The following CHUK variants were observed in gnomAD, a reference collection of about 807,000 sequenced individuals.
The protein encoded by CHUK is inhibitor of nuclear factor kappa-B kinase subunit alpha.
Under a neutral mutation model 104.8 loss-of-function variants are expected in CHUK, and 35 were observed. The observed-to-expected ratio is 0.33, with a 90% CI of 0.26 to 0.44. CHUK has a LOEUF of 0.44. CHUK is among the 20% of genes least tolerant of loss of function. CHUK has a pLI of 1.00. For missense variants in CHUK, 663 were observed against 902.7 expected (o/e 0.73, Z 3.40); for synonymous variants, 276 against 291.9 (o/e 0.95, Z 0.56).
chr10:100,222,721 C>A, intron 3 of CHUK, 145 bp downstream of exon 3: 1 of 649,914 alleles, frequency 1.5e-6, no homozygotes, highest in Non-Finnish European at 2.8e-6. Context: ...ATGAATGTGG[C>A]TGTGTTCCAA....
intron 16 of CHUK, 66 bp downstream of exon 16, chr10:100,199,905 C>G (rs1435926749): frequency 8.9e-7 from 1 of 1,128,060 alleles, no homozygotes; most frequent in Non-Finnish European, 1.4e-6. Flanking sequence ...ATTAGATCCC[C>G]CACATTTGTT....
chr10:100,221,159 G>A (rs1220809311), intron 4 of CHUK, among the ~76,000 whole-genome samples: 3 of 152,124 alleles, frequency 2.0e-5, no homozygotes, highest in Non-Finnish European at 4.4e-5. Flanking sequence ...TGACTTGGCT[G>A]GGTGCGGTGG....
In CHUK at chr10:100,190,864, C is replaced by G. The variant is rs1326889314; in HGVS notation, c.2208+5G>C. On this transcript the variant is annotated splice_donor_5th_base_variant and intron_variant, in intron 20 of 20. Transcript: ENST00000370397. Reference sequence around the variant, plus strand: ...AGCAGGCACCCATATCCACACAAAACTTACCATCATACTATTGCCCTGTTC... The same window carrying G: ...AGCAGGCACCCATATCCACACAAAAGTTACCATCATACTATTGCCCTGTTC... The G allele has an allele frequency of 6.4e-7, 1 of 1,564,060 alleles. No homozygotes were observed.
chr10:100,190,628 C>T lies in CHUK; in HGVS notation c.2208+241G>A, dbSNP rs17884210. The T allele has an allele frequency of 4.6e-3, 2,387 of 523,402 alleles. 4 individuals carry two copies. Among genetic ancestry groups the T allele is most frequent in the Non-Finnish European group, 6.5e-3 (1,867 of 289,218 alleles). The allele number at this position is 523,402 out of a possible 1,614,324, so 32.4% of individuals were successfully genotyped here. A position where few individuals can be genotyped will look rare whatever the true frequency, so the allele number is the denominator to read the frequency against. On this transcript the variant is annotated intron_variant, in intron 20 of 20. Transcript: ENST00000370397. Reference sequence around the variant, plus strand: ...AATGGTCACATTGTGAAGAAGCTTACCACTCATTTAATTTGACCAAAAATG... The same window carrying T: ...AATGGTCACATTGTGAAGAAGCTTATCACTCATTTAATTTGACCAAAAATG...
intron 15 of CHUK, 97 bp from the exon 16 acceptor site, chr10:100,200,117 T>C (rs529763852): frequency 1.1e-6 from 1 of 927,542 alleles, no homozygotes; most frequent in African/African-American, 1.6e-5. Context: ...AATGAACCCA[T>C]TTTAAAGCAA....
At chr10:100,198,292 T>C (rs1469353360) in intron 16 of CHUK, among the ~76,000 whole-genome samples, 4 of 152,210 alleles carry the variant, frequency 2.6e-5, no homozygotes, top group African/African-American at 9.6e-5. Context: ...CTTCACTGTA[T>C]AGAAGAAACA....
chr10:100,202,055 A>C (rs1483527282), intron 14 of CHUK, 33 bp downstream of exon 14: 1 of 1,472,880 alleles, frequency 6.8e-7, no homozygotes, highest in Admixed American at 1.7e-5. Flanking sequence ...ATCAAGAATT[A>C]ATAAGTATAC....
rs1845434166 is a variant in CHUK at position 100,200,421 on chromosome 10, T to C, written c.1679+250A>G. ...AGGGAAATAGTTTGTAACTTAGTTA[T>C]ACTTGGAAAATTCTTAACACTCCTA... is the stretch of plus-strand genomic sequence containing the variant. On this transcript the variant is annotated intron_variant, in intron 15 of 20. Coordinates refer to ENST00000370397, the MANE Select transcript of CHUK (RefSeq NM_001278.5). Among the ~76,000 whole-genome samples the C allele has an allele frequency of 2.0e-5, 3 of 152,206 alleles. No homozygotes were observed. The South Asian group carries it at 6.2e-4, about 31-fold the overall frequency.
intron 13 of CHUK, among the ~76,000 whole-genome samples, chr10:100,202,590 C>T (rs921421177): frequency 1.3e-5 from 2 of 152,148 alleles, no homozygotes; most frequent in African/African-American, 2.4e-5. Context: ...GCCAACACCT[C>T]AATTTTGGAC....
intron 8 of CHUK, 136 bp from the exon 9 acceptor site, chr10:100,218,266 T>C: frequency 2.5e-6 from 2 of 793,998 alleles, no homozygotes; most frequent in South Asian, 3.3e-5. Context: ...TAAATTACTT[T>C]CAAATTCATG....
At chr10:100,194,311 C>T in intron 17 of CHUK, 114 bp downstream of exon 17, 1 of 1,041,092 alleles carries the variant, frequency 9.6e-7, no homozygotes, top group Non-Finnish European at 1.5e-6. Context: ...ACCCAAGGTA[C>T]CTTCAGAATT....
At chr10:100,221,389 C>T (rs1017700840) in intron 4 of CHUK, among the ~76,000 whole-genome samples, 6 of 151,906 alleles carry the variant, frequency 3.9e-5, no homozygotes, top group African/African-American at 9.7e-5. Context: ...AAGCTGAGAT[C>T]GCACCACTGC....
intron 20 of CHUK, 52 bp downstream of exon 20, chr10:100,190,817 C>G: frequency 9.7e-7 from 1 of 1,028,536 alleles, no homozygotes; most frequent in Non-Finnish European, 1.6e-6. Flanking sequence ...AAAGTTAAAC[C>G]TTTTGCACCC....
intron 9 of CHUK, among the ~76,000 whole-genome samples, chr10:100,216,953 T>G (rs1845869236): frequency 6.6e-6 from 1 of 152,132 alleles, no homozygotes; most frequent in African/African-American, 2.4e-5. Context: ...TGAAGATGCA[T>G]GAATGGAAGA....
intron 1 of CHUK, among the ~76,000 whole-genome samples, chr10:100,228,993 G>GCACACACACACACACACACACACACACA (rs59218517): frequency 7.5e-6 from 1 of 133,464 alleles, no homozygotes; most frequent in East Asian, 2.3e-4. Flanking sequence ...GCGCGCGCGC[G>GCACACACACACACACACACACACACACA]CACACACACA....
Position 100,220,589 on chromosome 10 carries a change from T to C in CHUK, c.473A>G (p.Lys158Arg). 3 of 1,603,536 alleles carry C rather than the reference T, an allele frequency of 1.9e-6. No homozygotes were observed. Among genetic ancestry groups the C allele is most frequent in the South Asian group, 1.1e-5 (1 of 90,874 alleles). ...ENIVLQDVGG[K>R]IIHKIIDLGY... ...AACATTACTTCAGGTTTCACCTACC[T>C]TTCCACCAACATCCTGAAGAACTAT... The change falls in exon 5 of 21, where the codon AAG becomes AGG. Residue 158 changes from lysine to arginine, a missense_variant and splice_region_variant. Around this residue, in one of 5 missense-constraint regions of CHUK, gnomAD observed 200 missense variants for 333.0 expected, o/e 0.60. Transcript: ENST00000370397.
chr10:100,221,029 A>C (rs763250165), intron 4 of CHUK, among the ~76,000 whole-genome samples: 8 of 152,196 alleles, frequency 5.3e-5, no homozygotes, highest in African/African-American at 1.7e-4. Flanking sequence ...GGCAAAACCA[A>C]AATCTATGGG....
chr10:100,191,140 G>A (rs1304788152), intron 19 of CHUK, among the ~76,000 whole-genome samples, 172 bp from the exon 20 acceptor site: 4 of 152,190 alleles, frequency 2.6e-5, no homozygotes, highest in Non-Finnish European at 5.9e-5. Flanking sequence ...CAGAGGCAGA[G>A]TCCTGTTAAG....
chr10:100,189,640 A>G lies in CHUK; in HGVS notation c.2209-13T>C. 6.2e-7 allele frequency: 1 copy of G among 1,606,926 alleles called. No individual in the cohort carries two copies. Among genetic ancestry groups the G allele is most frequent in the Non-Finnish European group, 8.5e-7 (1 of 1,173,488 alleles). On this transcript the variant is annotated splice_polypyrimidine_tract_variant and intron_variant, in intron 20 of 20. Transcript: ENST00000370397. ...TCCAATCAAGATTCTAAAACCAGGC[A>G]TGAAAAAGTTACAATTAGATGTTGA...
Sources: gnomAD v4.1 joint callset for allele counts (sites outside exome capture counted in the v4.1 genomes callset) on GRCh38, gnomAD v4.1.1 for gene constraint, gnomAD v4.1.1 regional missense constraint, MANE v1.5 for transcripts, NCBI Gene and HGNC (gene_info 2026-07-23, HGNC 2026-07-21) for gene names.